Variants in LRRC3B observed in about 807,000 individuals in gnomAD.
LRRC3B encodes leucine-rich repeat-containing protein 3B.
In LRRC3B, 2 loss-of-function variants were observed where a neutral mutation model predicts 12.8. The ratio of observed to expected loss-of-function variants is 0.16; its 90% CI spans 0.06 to 0.49. LRRC3B has a LOEUF of 0.49. LRRC3B is among the 20% of genes least tolerant of loss of function. The pLI is 0.96. For missense variants in LRRC3B, 189 were observed against 319.4 expected, an observed-to-expected ratio of 0.59 and a Z score of 3.11; for synonymous variants, 132 against 122.0, an observed-to-expected ratio of 1.08 and a Z score of -0.54.
intron 1 of LRRC3B, among the ~76,000 whole-genome samples, chr3:26,695,155 G>C (rs1700280310): frequency 6.6e-6 from 1 of 152,044 alleles, no homozygotes; most frequent in African/African-American, 2.4e-5. Context: ...TTTGCAGATT[G>C]CTTCATTCAT....
At chr3:26,669,573 T>C (rs763585636) in intron 1 of LRRC3B, among the ~76,000 whole-genome samples, 4 of 152,214 alleles carry the variant, frequency 2.6e-5, no homozygotes, top group African/African-American at 4.8e-5. Context: ...TTTCACTAAT[T>C]GCTTGATTTT....
chr3:26,677,520 G>A lies in LRRC3B; in HGVS notation c.-160-31993G>A, dbSNP rs1312762663. 2.6e-5 allele frequency among the ~76,000 whole-genome samples: 4 copies of A among 152,284 alleles called. No individual in the cohort carries two copies. The East Asian group carries it at 7.7e-4, about 29-fold the overall frequency. ...GCTGGCAGGCTTGTATGTGAGGAAGGGATGGCCTATGTGAGTCAAAGCAGA... is the reference window on the plus strand; with the variant it reads ...GCTGGCAGGCTTGTATGTGAGGAAGAGATGGCCTATGTGAGTCAAAGCAGA... On this transcript the variant is annotated intron_variant, in intron 1 of 1. Coordinates refer to ENST00000396641, the Ensembl canonical transcript of LRRC3B.
At chr3:26,653,358 T>A (rs1220922144) in intron 1 of LRRC3B, among the ~76,000 whole-genome samples, 1 of 151,600 alleles carries the variant, frequency 6.6e-6, no homozygotes, top group Non-Finnish European at 1.5e-5. Context: ...TCATTTTTTT[T>A]ACAGACAGGA....
intron 1 of LRRC3B, among the ~76,000 whole-genome samples, chr3:26,660,147 T>C (rs1414181308): frequency 6.6e-6 from 1 of 152,196 alleles, no homozygotes; most frequent in East Asian, 1.9e-4. Flanking sequence ...TCAGAGGACC[T>C]GATAATACAG....
At chr3:26,624,845 A>C (rs1698588780) in intron 1 of LRRC3B, 1 of 152,250 alleles carries the variant, frequency 6.6e-6, no homozygotes, top group African/African-American at 2.4e-5. Context: ...GCACCCCAGC[A>C]ATCTGGAGTG....
At position 26,640,426 on chromosome 3, in the gene LRRC3B, T is replaced by TA. The variant is rs10707193; in HGVS notation, c.-161+17205dup. Among the ~76,000 whole-genome samples, 483 of 140,178 alleles carry TA rather than the reference T, an allele frequency of 3.4e-3. 1 individual carries two copies. Among genetic ancestry groups the TA allele is most frequent in the African/African-American group, 9.2e-3 (356 of 38,670 alleles). The allele number at this position is 140,178 out of a possible 152,430, so 92.0% of individuals were successfully genotyped here. A position where few individuals can be genotyped will look rare whatever the true frequency, so the allele number is the denominator to read the frequency against. ...TAAGTCATTGTTATGCCTTATAAAC[T>TA]AAAAAAAAAAAAAAAACCCAAAAAA... On this transcript the variant is annotated intron_variant, in intron 1 of 1. Coordinates refer to ENST00000396641, the Ensembl canonical transcript of LRRC3B.
intron 1 of LRRC3B, among the ~76,000 whole-genome samples, chr3:26,696,158 G>C (rs1230579693): frequency 1.3e-5 from 2 of 152,098 alleles, no homozygotes; most frequent in African/African-American, 4.8e-5. Flanking sequence ...TACTATGCAG[G>C]CATTAAAATG....
At chr3:26,680,598 G>A (rs1699951390) in intron 1 of LRRC3B, among the ~76,000 whole-genome samples, 1 of 152,222 alleles carries the variant, frequency 6.6e-6, no homozygotes, top group Admixed American at 6.5e-5. Context: ...CCATGTCACA[G>A]CGTGCAATTC....
chr3:26,644,701 T>G (rs1158616042), intron 1 of LRRC3B, among the ~76,000 whole-genome samples: 2 of 152,162 alleles, frequency 1.3e-5, no homozygotes, highest in African/African-American at 4.8e-5. Context: ...TTAAGGAAAT[T>G]TGAAAACCCA....
At chr3:26,642,416 A>G (rs1384698322) in intron 1 of LRRC3B, among the ~76,000 whole-genome samples, 1 of 152,152 alleles carries the variant, frequency 6.6e-6, no homozygotes, top group Non-Finnish European at 1.5e-5. Context: ...GGCCTGCACC[A>G]AGGTGTATCT....
intron 1 of LRRC3B, among the ~76,000 whole-genome samples, chr3:26,630,358 AT>A (rs1698730552): frequency 6.6e-6 from 1 of 152,234 alleles, no homozygotes; most frequent in Non-Finnish European, 1.5e-5. Context: ...GGGCCCTGGA[AT>A]GGTGTTTAAA....
intron 1 of LRRC3B, among the ~76,000 whole-genome samples, chr3:26,680,381 T>C (rs1369757298): frequency 6.6e-6 from 1 of 152,222 alleles, no homozygotes; most frequent in Non-Finnish European, 1.5e-5. Flanking sequence ...GGAAATGGCT[T>C]GTATCTCTGT....
chr3:26,681,387 TCA>T (rs1313480092), intron 1 of LRRC3B, among the ~76,000 whole-genome samples: 3 of 152,208 alleles, frequency 2.0e-5, no homozygotes, highest in Non-Finnish European at 4.4e-5. Context: ...CCTCTCTTCC[TCA>T]CAGTCTACTA....
intron 1 of LRRC3B, among the ~76,000 whole-genome samples, chr3:26,681,968 G>A (rs759895163): frequency 1.3e-4 from 20 of 151,350 alleles, no homozygotes; most frequent in South Asian, 2.1e-4. Context: ...TATATCCTAC[G>A]ATAAAGTTTA....
intron 1 of LRRC3B, among the ~76,000 whole-genome samples, chr3:26,697,360 T>G (rs748599522): frequency 3.4e-4 from 52 of 152,176 alleles, no homozygotes; most frequent in Admixed American, 3.4e-3. Flanking sequence ...CTATATCACT[T>G]CAATCCTTAC....
At chr3:26,646,141 T>C (rs1699138968) in intron 1 of LRRC3B, among the ~76,000 whole-genome samples, 1 of 152,170 alleles carries the variant, frequency 6.6e-6, no homozygotes, top group Non-Finnish European at 1.5e-5. Flanking sequence ...AGAAGCTTAA[T>C]CCAAAAACCA....
chr3:26,691,778 C>A (rs1227643043), intron 1 of LRRC3B, among the ~76,000 whole-genome samples: 3 of 152,036 alleles, frequency 2.0e-5, no homozygotes, highest in African/African-American at 7.3e-5. Flanking sequence ...TTGATGGAAG[C>A]CTTTTGCAGA....
At chr3:26,685,486 C>CCTCTCTCT (rs61229084) in intron 1 of LRRC3B, among the ~76,000 whole-genome samples, 22 of 49,552 alleles carry the variant, frequency 4.4e-4, no homozygotes, top group South Asian at 1.9e-3. Flanking sequence ...AGACTCTCTC[C>CCTCTCTCT]CTCTCTCTCT....
At chr3:26,651,541 T>C (rs1374500963) in intron 1 of LRRC3B, among the ~76,000 whole-genome samples, 1 of 152,204 alleles carries the variant, frequency 6.6e-6, no homozygotes, top group African/African-American at 2.4e-5. Flanking sequence ...CAATGCTGTG[T>C]TCTAGACACC....
Sources: allele counts gnomAD v4.1 joint callset (sites outside exome capture counted in the v4.1 genomes callset), GRCh38; gene constraint gnomAD v4.1.1; transcripts MANE v1.5; gene names NCBI Gene and HGNC (gene_info 2026-07-23, HGNC 2026-07-21).